The following NCALD variants were observed in gnomAD, a reference collection of about 807,000 sequenced individuals.
The protein encoded by NCALD is neurocalcin-delta.
Under a neutral mutation model 18.6 loss-of-function variants are expected in NCALD, and 10 were observed. That is an observed-to-expected ratio of 0.54 (90% CI 0.33 to 0.91). The LOEUF (loss-of-function observed/expected upper bound fraction) is 0.91. Ranked by LOEUF, NCALD falls within the 40% of genes least tolerant of loss-of-function variation. NCALD has a pLI of 0.03. For missense variants in NCALD, 184 were observed against 247.6 expected (o/e 0.74, Z 1.72); for synonymous variants, 88 against 87.4 (o/e 1.01, Z -0.04).
chr8:101,953,143 A>G (rs1819495944), intron 2 of NCALD, among the ~76,000 whole-genome samples: 3 of 152,072 alleles, frequency 2.0e-5, no homozygotes. Flanking sequence ...CACATTTGGG[A>G]GAATGACAGC....
chr8:101,981,581 A>G (rs1658863760), intron 2 of NCALD, among the ~76,000 whole-genome samples: 1 of 152,206 alleles, frequency 6.6e-6, no homozygotes, highest in African/African-American at 2.4e-5. Context: ...GTACTGATTT[A>G]TTCTCCTGCC....
chr8:101,994,763 G>GTAGC (rs1358113644), intron 2 of NCALD, among the ~76,000 whole-genome samples: 1 of 152,238 alleles, frequency 6.6e-6, no homozygotes. Flanking sequence ...GAATAGAGTA[G>GTAGC]TAGCTACTTC....
chr8:101,785,792 T>C (rs1245672477), intron 1 of NCALD: 1 of 152,234 alleles, frequency 6.6e-6, no homozygotes, highest in East Asian at 1.9e-4. Flanking sequence ...CAGTCTCATT[T>C]GTCTTCTGAA....
intron 2 of NCALD, among the ~76,000 whole-genome samples, chr8:101,709,881 C>CTAA (rs150370770): frequency 0.026 from 3,931 of 152,264 alleles, 130 homozygotes; most frequent in African/African-American, 0.078. Flanking sequence ...CTGATCTGGC[C>CTAA]TAAGATTCCT....
At chr8:101,988,450 C>G (rs902098117) in intron 2 of NCALD, among the ~76,000 whole-genome samples, 1 of 152,100 alleles carries the variant, frequency 6.6e-6, no homozygotes, top group African/African-American at 2.4e-5. Context: ...TGTATGACAT[C>G]GAGAAACTTA....
chr8:101,895,491 A>G (rs1484258025), intron 3 of NCALD, among the ~76,000 whole-genome samples: 1 of 151,650 alleles, frequency 6.6e-6, no homozygotes, highest in African/African-American at 2.4e-5. Flanking sequence ...CCTGTTCAAT[A>G]TAGTGTTGGA....
chr8:101,764,251 T>A (rs1023388972), intron 1 of NCALD, among the ~76,000 whole-genome samples: 1 of 152,036 alleles, frequency 6.6e-6, no homozygotes, highest in African/African-American at 2.4e-5. Context: ...AATTACTGAA[T>A]CCTCCAACAT....
intron 1 of NCALD, among the ~76,000 whole-genome samples, chr8:101,765,636 G>T (rs1441170826): frequency 6.6e-6 from 1 of 152,178 alleles, no homozygotes; most frequent in Non-Finnish European, 1.5e-5. Flanking sequence ...GTGGGTGTGT[G>T]TATGTTGGGG....
intron 1 of NCALD, among the ~76,000 whole-genome samples, chr8:102,083,780 A>G (rs1014844817): frequency 6.6e-6 from 1 of 152,206 alleles, no homozygotes; most frequent in African/African-American, 2.4e-5. Context: ...TCAAAGAGTT[A>G]TCACCTAGCT....
intron 2 of NCALD, among the ~76,000 whole-genome samples, chr8:101,948,844 G>C (rs553223096): frequency 6.6e-6 from 1 of 152,270 alleles, no homozygotes; most frequent in South Asian, 2.1e-4. Flanking sequence ...AACTTACTTA[G>C]CTTCCTGGGC....
intron 1 of NCALD, among the ~76,000 whole-genome samples, chr8:102,047,397 A>T (rs1448617040): frequency 6.6e-6 from 1 of 152,218 alleles, no homozygotes; most frequent in Non-Finnish European, 1.5e-5. Context: ...CTAGAGCAGC[A>T]CTGTCCATGA....
In NCALD at chr8:101,689,335, C is replaced by T. The variant is rs1043006468; in HGVS notation, c.556G>A (p.Asp186Asn). Residue 186 changes from aspartate (D) to asparagine (N), a missense_variant, in exon 4 of 4, where the codon GAC (aspartate) becomes AAC (asparagine). Asp to Asn is a conservative substitution (Grantham distance 23). Coordinates refer to ENST00000220931, the MANE Select transcript of NCALD (RefSeq NM_032041.3). This position sits in a 1 kb window ranked among gnomAD's most constrained non-coding sequence, Gnocchi z 4.4. ...DPSIVRLLQC[D>N]PSSAGQF ...CAGAACTGGCCGGCACTGCTCGGGTCGCACTGCAGGAGGCGCACAATGGAC... is the reference window on the plus strand; with the variant it reads ...CAGAACTGGCCGGCACTGCTCGGGTTGCACTGCAGGAGGCGCACAATGGAC... 8 of 1,613,678 alleles carry T rather than the reference C, an allele frequency of 5.0e-6. No homozygotes were observed. The highest frequency in any genetic ancestry group is 1.3e-5 in the African/African-American group (1 of 74,920).
chr8:101,783,477 C>A (rs1416682261), intron 1 of NCALD, among the ~76,000 whole-genome samples: 1 of 152,168 alleles, frequency 6.6e-6, no homozygotes, highest in Non-Finnish European at 1.5e-5. Flanking sequence ...AATACCCTAG[C>A]TTTACTACAA....
At chr8:101,899,660 T>G (rs1232609355) in intron 3 of NCALD, among the ~76,000 whole-genome samples, 1 of 151,968 alleles carries the variant, frequency 6.6e-6, no homozygotes, top group Non-Finnish European at 1.5e-5. Flanking sequence ...TTCTTTAGAC[T>G]GTTTATATAG....
At chr8:101,856,378 G>A (rs572746004) in intron 4 of NCALD, among the ~76,000 whole-genome samples, 4 of 152,166 alleles carry the variant, frequency 2.6e-5, no homozygotes, top group African/African-American at 4.8e-5. Flanking sequence ...TCTCTATGTT[G>A]CCCAGGCTGG....
intron 4 of NCALD, among the ~76,000 whole-genome samples, chr8:101,874,820 G>A (rs1816163064): frequency 6.6e-6 from 1 of 152,118 alleles, no homozygotes; most frequent in Admixed American, 6.5e-5. Context: ...GAGCCACTGT[G>A]CCCAGCGTCT....
At position 101,701,656 on chromosome 8, in the gene NCALD, T is replaced by A. The variant is rs182520234; in HGVS notation, c.379-8760A>T. 5.8e-4 allele frequency among the ~76,000 whole-genome samples: 88 copies of A among 152,328 alleles called. No individual in the cohort carries two copies. The East Asian group carries it at 0.016, about 27-fold the overall frequency. ...GTCTGCATTGATCAAGGTTGTGCAA[T>A]TAACTGAGGGCAGGCAAAATTCCAA... On this transcript the variant is annotated intron_variant, in intron 2 of 3. Transcript: ENST00000220931.
intron 4 of NCALD, among the ~76,000 whole-genome samples, chr8:101,874,643 T>TCCTCCTGCCTCAG (rs146662646): frequency 0.28 from 42,261 of 151,976 alleles, 6,204 homozygotes; most frequent in East Asian, 0.39. Context: ...GCTCAAGTGA[T>TCCTCCTGCCTCAG]CCTCCTGAAC....
intron 2 of NCALD, among the ~76,000 whole-genome samples, chr8:101,948,256 G>A (rs1352751260): frequency 6.6e-6 from 1 of 152,190 alleles, no homozygotes; most frequent in Non-Finnish European, 1.5e-5. Flanking sequence ...AGACAATGTT[G>A]AGCTATTTAG....
Sources: gnomAD v4.1 joint callset for allele counts (sites outside exome capture counted in the v4.1 genomes callset) on GRCh38, gnomAD v4.1.1 for gene constraint, Gnocchi (gnomAD v3.1) non-coding constraint, MANE v1.5 for transcripts, NCBI Gene and HGNC (gene_info 2026-07-23, HGNC 2026-07-21) for gene names.